ANKRD28: variants seen among roughly 807,000 people sequenced by gnomAD.
ANKRD28 encodes the protein serine/threonine-protein phosphatase 6 regulatory ankyrin repeat subunit A.
A neutral mutation model predicts 126.5 loss-of-function variants in ANKRD28; 44 were observed. The ratio of observed to expected loss-of-function variants is 0.35; its 90% CI spans 0.27 to 0.45. The LOEUF (loss-of-function observed/expected upper bound fraction) is 0.45, where lower values mean the gene tolerates loss of function less well. ANKRD28 is among the 20% of genes least tolerant of loss of function. ANKRD28 has a pLI of 1.00. For synonymous variants in ANKRD28, 442 were observed against 468.5 expected, an observed-to-expected ratio of 0.94 and a Z score of 0.73; for missense variants, 1,110 against 1,316.6, an observed-to-expected ratio of 0.84 and a Z score of 2.43.
At chr3:15,720,779 C>G in intron 8 of ANKRD28, 136 bp downstream of exon 8, 1 of 812,288 alleles carries the variant, frequency 1.2e-6, no homozygotes, top group Non-Finnish European at 1.9e-6. Context: ...GGCTTTCACT[C>G]AGCATAATAT....
chr3:15,696,242 G>A lies in ANKRD28; in HGVS notation c.1551C>T (p.Cys517=), dbSNP rs1334853399. The change falls in exon 15 of 28, where the codon TGC becomes TGT. Residue 517 remains cysteine, a synonymous_variant. Transcript: ENST00000683139. ...YAATSDTDGK[C]LEYLLRNDAN... ...CATCGTTTCTTAATAAGTATTCCAGGCACCTATATACAACAACAACAACAT... is the reference window on the plus strand; with the variant it reads ...CATCGTTTCTTAATAAGTATTCCAGACACCTATATACAACAACAACAACAT... 4 of 1,557,412 alleles carry A rather than the reference G, an allele frequency of 2.6e-6. No homozygotes were observed. In the African/African-American group the frequency reaches 4.1e-5, roughly 16 times the overall value.
chr3:15,798,234 T>C, upstream of ANKRD28: 2 of 889,412 alleles, frequency 2.2e-6, no homozygotes, highest in Non-Finnish European at 2.7e-6. Flanking sequence ...TTTCGTGTGT[T>C]ACAATAAAGC....
chr3:15,707,769 C>T (rs553492814), intron 14 of ANKRD28, among the ~76,000 whole-genome samples, 155 bp downstream of exon 14: 1 of 152,298 alleles, frequency 6.6e-6, no homozygotes, highest in South Asian at 2.1e-4. Context: ...TTATCAATAA[C>T]TATGAAACCA....
intron 6 of ANKRD28, chr3:15,733,537 A>T (rs2074803255): frequency 1.3e-5 from 2 of 152,248 alleles, no homozygotes; most frequent in South Asian, 4.1e-4. Flanking sequence ...ATTTCTTAAA[A>T]TTAATCATGC....
intron 1 of ANKRD28, among the ~76,000 whole-genome samples, chr3:15,822,312 G>A (rs1379975563): frequency 1.3e-5 from 2 of 152,160 alleles, no homozygotes; most frequent in Non-Finnish European, 2.9e-5. Context: ...TTGTTGGGGG[G>A]AGATCGAGGC....
chr3:15,695,168 G>A lies in ANKRD28; in HGVS notation c.1686+20C>T. ...AACTGACCAATACTAATTGGTGGGA[G>A]GGAATTGACTAATACTTACAACATC... On this transcript the variant is annotated intron_variant, in intron 16 of 27. Coordinates refer to ENST00000683139, the MANE Select transcript of ANKRD28 (RefSeq NM_001349278.2). 1 of 1,582,894 alleles carries A rather than the reference G, an allele frequency of 6.3e-7. No individual in the cohort carries two copies. Among genetic ancestry groups the A allele is most frequent in the Non-Finnish European group, 8.6e-7 (1 of 1,156,658 alleles).
chr3:15,681,919 C>CA lies in ANKRD28; in HGVS notation c.2390-2357dup, dbSNP rs530841332. On this transcript the variant is annotated intron_variant, in intron 21 of 27. Coordinates refer to ENST00000683139, the MANE Select transcript of ANKRD28 (RefSeq NM_001349278.2). ...GCAACAATCATCTGGCCCAAAACGTCATAGTGCTGAGGTTGAGAAACTCCT... is the reference window on the plus strand; with the variant it reads ...GCAACAATCATCTGGCCCAAAACGTCAATAGTGCTGAGGTTGAGAAACTCCT... Among the ~76,000 whole-genome samples, 15 of 152,248 alleles carry CA rather than the reference C, an allele frequency of 9.9e-5. No homozygotes were observed. In the South Asian group the frequency reaches 2.9e-3, roughly 29 times the overall value.
chr3:15,711,266 T>C lies in ANKRD28; in HGVS notation c.1282A>G (p.Ile428Val). ...CTGCCAAAATCATCTGGGGTATCTA[T>C]ATCAAATCCTACAAGAATGAATACA... ...CRKLLSSGFD[I>V]DTPDDFGRTC... The change falls in exon 12 of 28, where the codon ATA (isoleucine) becomes GTA (valine). Residue 428 changes from isoleucine to valine, a missense_variant. Transcript: ENST00000683139. 1.2e-6 allele frequency: 2 copies of C among 1,610,694 alleles called. No individual in the cohort carries two copies. The highest frequency in any genetic ancestry group is 2.2e-5 in the East Asian group (1 of 44,812).
At chr3:15,793,988 T>C (rs967801191) in intron 2 of ANKRD28, among the ~76,000 whole-genome samples, 1 of 152,168 alleles carries the variant, frequency 6.6e-6, no homozygotes, top group African/African-American at 2.4e-5. Context: ...GAGAATCGCT[T>C]GAACCCGGGA....
At chr3:15,728,669 T>G (rs904009912) in intron 6 of ANKRD28, among the ~76,000 whole-genome samples, 2 of 152,228 alleles carry the variant, frequency 1.3e-5, no homozygotes, top group African/African-American at 4.8e-5. Flanking sequence ...TACTCTGTTG[T>G]GGTAGTTTAG....
At chr3:15,679,603 A>C (rs367729138) in intron 21 of ANKRD28, 40 bp from the exon 22 acceptor site, 9 of 1,504,762 alleles carry the variant, frequency 6.0e-6, no homozygotes, top group Non-Finnish European at 9.1e-7. Context: ...AATTCAAAGG[A>C]GATACTGGCA....
chr3:15,817,883 T>C lies in ANKRD28; in HGVS notation c.28-22577A>G, dbSNP rs999266931. Among the ~76,000 whole-genome samples the C allele has an allele frequency of 5.9e-5, 9 of 152,168 alleles. No homozygotes were observed. Among genetic ancestry groups the C allele is most frequent in the African/African-American group, 2.2e-4 (9 of 41,438 alleles). ...ATGATTGTCTTTATAGAAGATTCCATGGAATCTATTAAAAAATGCCTAGAA... is the reference window on the plus strand; with the variant it reads ...ATGATTGTCTTTATAGAAGATTCCACGGAATCTATTAAAAAATGCCTAGAA... On this transcript the variant is annotated intron_variant, in intron 1 of 27. Transcript: ENST00000399451. This position sits in a 1 kb window ranked among gnomAD's most constrained non-coding sequence, Gnocchi z 4.5.
chr3:15,773,255 TATC>T (rs2125620476), intron 2 of ANKRD28, among the ~76,000 whole-genome samples: 1 of 151,958 alleles, frequency 6.6e-6, no homozygotes, highest in East Asian at 1.9e-4. Flanking sequence ...AAAAAAAAGG[TATC>T]ATTTAGAATA....
chr3:15,721,998 G>A (rs2073784153), intron 7 of ANKRD28, among the ~76,000 whole-genome samples: 1 of 152,156 alleles, frequency 6.6e-6, no homozygotes, highest in Admixed American at 6.5e-5. Context: ...ACCGGCCTCG[G>A]CCTCCCAAAG....
intron 18 of ANKRD28, among the ~76,000 whole-genome samples, chr3:15,689,162 G>C (rs1559339867): frequency 6.6e-6 from 1 of 152,088 alleles, no homozygotes; most frequent in Non-Finnish European, 1.5e-5. Context: ...AATCTCCTTG[G>C]GTCTGGAAAC....
At chr3:15,709,852 G>A (rs1025812767) in intron 12 of ANKRD28, 116 bp from the exon 13 acceptor site, 7 of 604,740 alleles carry the variant, frequency 1.2e-5, no homozygotes, top group Middle Eastern at 2.8e-4. Context: ...TGACAAAAAT[G>A]ATGATTTACA....
rs905695203 is a variant in ANKRD28, at chr3:15,667,660, C to A, written c.*2610G>T. 11 of 152,170 alleles carry A rather than the reference C, an allele frequency of 7.2e-5. No individual in the cohort carries two copies. The highest frequency in any genetic ancestry group is 1.2e-4 in the Non-Finnish European group (8 of 68,036). The allele number at this position is 152,170 out of a possible 1,614,324, so 9.4% of individuals were successfully genotyped here. A position where few individuals can be genotyped will look rare whatever the true frequency, so the allele number is the denominator to read the frequency against. On this transcript the variant is annotated 3_prime_UTR_variant, in exon 28 of 28. Transcript: ENST00000683139. ...AGTTCAAATACCATTTGAGACAGTA[C>A]TTTGGGGTTTCCCTTCATTGGGTGC...
Position 15,762,224 on chromosome 3 carries a change from A to AAAAC in ANKRD28, c.280+4009_280+4010insGTTT, listed in dbSNP as rs1559489421. 3.1e-3 allele frequency among the ~76,000 whole-genome samples: 331 copies of AAAAC among 107,630 alleles called. 1 individual carries two copies. The highest frequency in any genetic ancestry group is 5.4e-3 in the South Asian group (18 of 3,344). 70.6% of individuals were successfully genotyped at this position (107,630 alleles called of 152,430 possible). A position where few individuals can be genotyped will look rare whatever the true frequency, so the allele number is the denominator to read the frequency against. ...AAAAAAAAAAAAAAACAAAACAAAAAAAAAAAAACTCTCCTGGTTCCTTCC... is the reference window on the plus strand; with the variant it reads ...AAAAAAAAAAAAAAACAAAACAAAAAAAACAAAAAAAACTCTCCTGGTTCCTTCC... On this transcript the variant is annotated intron_variant, in intron 3 of 27. Coordinates refer to ENST00000683139, the MANE Select transcript of ANKRD28 (RefSeq NM_001349278.2).
In ANKRD28 at chr3:15,833,411, G is replaced by A. The variant is rs2061247639; in HGVS notation, c.27+25966C>T. 6.6e-6 allele frequency among the ~76,000 whole-genome samples: 1 copy of A among 151,726 alleles called. No individual in the cohort carries two copies. On this transcript the variant is annotated intron_variant, in intron 1 of 27. Coordinates refer to the ANKRD28 transcript ENST00000399451. The surrounding 1 kb of genome is among the most constrained non-coding windows in gnomAD (Gnocchi z 4.4). ...TCGGACTGGCTATCCTTGCTCCTCAGCTGGCAGATGCCCTACTGTGGGACC... is the reference window on the plus strand; with the variant it reads ...TCGGACTGGCTATCCTTGCTCCTCAACTGGCAGATGCCCTACTGTGGGACC...
Sources: gnomAD v4.1 joint callset for allele counts (sites outside exome capture counted in the v4.1 genomes callset) on GRCh38, gnomAD v4.1.1 for gene constraint, Gnocchi (gnomAD v3.1) non-coding constraint, MANE v1.5 for transcripts, NCBI Gene and HGNC (gene_info 2026-07-23, HGNC 2026-07-21) for gene names.